Variants in PHEX observed in about 807,000 individuals in gnomAD.
PHEX encodes the protein phosphate regulating endopeptidase X-linked.
PHEX carries 16 observed loss-of-function variants against 68.0 expected under a neutral mutation model. The ratio of observed to expected loss-of-function variants is 0.24; its 90% CI spans 0.16 to 0.36. PHEX has a LOEUF of 0.36. Among genes scored for constraint, PHEX ranks in the 10% least tolerant of loss-of-function variants. The pLI is 1.00. For synonymous variants in PHEX, 208 were observed against 205.1 expected (o/e 1.01, Z -0.12); for missense variants, 480 against 575.5 (o/e 0.83, Z 1.70).
chrX:22,076,606 A>G, intron 4 of PHEX, 132 bp downstream of exon 4: 2 of 512,520 alleles, frequency 3.9e-6, no homozygotes, highest in Non-Finnish European at 6.8e-6. Context: ...GTGTTAAAGG[A>G]ATGATTGTGA....
intron 12 of PHEX, among the ~76,000 whole-genome samples, chrX:22,146,590 G>A (rs910320219): frequency 8.9e-6 from 1 of 111,762 alleles, no homozygotes; most frequent in African/African-American, 3.3e-5. Flanking sequence ...GCTGAGGCAG[G>A]CGGATCACTT....
intron 11 of PHEX, among the ~76,000 whole-genome samples, chrX:22,115,075 C>T (rs1442410191): frequency 9.0e-6 from 1 of 111,360 alleles, no homozygotes; most frequent in African/African-American, 3.3e-5. Flanking sequence ...CACCTGTAAT[C>T]CTAGTACTTT....
At chrX:22,085,623 C>T (rs1314692846) in intron 5 of PHEX, among the ~76,000 whole-genome samples, 1 of 109,536 alleles carries the variant, frequency 9.1e-6, no homozygotes, top group East Asian at 2.8e-4. Flanking sequence ...TTCCAAGTTT[C>T]CTCTTATTAT....
chrX:22,066,120 G>A (rs771892116), intron 3 of PHEX, among the ~76,000 whole-genome samples: 10 of 112,000 alleles, frequency 8.9e-5, no homozygotes, highest in South Asian at 3.7e-4. Flanking sequence ...TTTGTAGGCC[G>A]TGTAAAGATT....
chrX:22,157,567 G>C (rs1932989947), intron 12 of PHEX, among the ~76,000 whole-genome samples: 1 of 112,519 alleles, frequency 8.9e-6, no homozygotes, highest in African/African-American at 3.2e-5. Context: ...GCATCACAAA[G>C]ACACCAGGGA....
At chrX:22,093,847 C>A in intron 6 of PHEX, 136 bp from the exon 7 acceptor site, 1 of 483,357 alleles carries the variant, frequency 2.1e-6, no homozygotes, top group Non-Finnish European at 3.9e-6. Flanking sequence ...TTGCATAATG[C>A]CTGCACCATA....
In PHEX at chrX:22,114,571, A is replaced by G. The variant is rs1292615588; in HGVS notation, c.1287A>G (p.Glu429=). Reference sequence around the variant, plus strand: ...TGTTTGTAGATGTGTACTTCCAGGAAGATAAGAAGGAAATGGTAAGTGGTA... The same window carrying G: ...TGTTTGTAGATGTGTACTTCCAGGAGGATAAGAAGGAAATGGTAAGTGGTA... ...GKMFVDVYFQ[E]DKKEMMEELV... Residue 429 remains glutamate, a synonymous_variant, in exon 11 of 22, where the codon GAA becomes GAG. Coordinates refer to ENST00000379374, the MANE Select transcript of PHEX (RefSeq NM_000444.6). The G allele has an allele frequency of 8.3e-7, 1 of 1,206,667 alleles. No homozygotes were observed. Among genetic ancestry groups the G allele is most frequent in the Non-Finnish European group, 1.1e-6 (1 of 890,876 alleles).
intron 17 of PHEX, among the ~76,000 whole-genome samples, chrX:22,219,754 G>A (rs1212582586): frequency 2.7e-5 from 3 of 111,078 alleles, no homozygotes; most frequent in Non-Finnish European, 5.7e-5. Flanking sequence ...GAGTAGCTGG[G>A]ATTACGGGCA....
intron 12 of PHEX, among the ~76,000 whole-genome samples, chrX:22,150,773 G>A (rs1319217154): frequency 8.9e-6 from 1 of 112,108 alleles, no homozygotes; most frequent in Non-Finnish European, 1.9e-5. Context: ...GTTACTCAAT[G>A]GCTTTGTTGA....
intron 18 of PHEX, among the ~76,000 whole-genome samples, chrX:22,224,081 C>T (rs1278992546): frequency 9.0e-6 from 1 of 111,685 alleles, no homozygotes; most frequent in African/African-American, 3.3e-5. Flanking sequence ...CTCCCTGGTT[C>T]AAGTGATTCT....
chrX:22,187,924 A>G (rs1425185709), intron 14 of PHEX, among the ~76,000 whole-genome samples: 2 of 111,973 alleles, frequency 1.8e-5, no homozygotes, highest in East Asian at 5.6e-4. Flanking sequence ...GTACAAGCAC[A>G]TAATGCTCAT....
intron 3 of PHEX, among the ~76,000 whole-genome samples, chrX:22,051,060 A>G (rs1341030595): frequency 3.6e-5 from 4 of 111,477 alleles, no homozygotes; most frequent in Non-Finnish European, 7.5e-5. Flanking sequence ...GGCTTCCTAT[A>G]TGTGTTTCTA....
At chrX:22,089,237 G>A (rs1929754616) in intron 5 of PHEX, among the ~76,000 whole-genome samples, 1 of 111,627 alleles carries the variant, frequency 9.0e-6, no homozygotes, top group African/African-American at 3.3e-5. Flanking sequence ...GGCCAGGCTG[G>A]CCTTGAATTC....
chrX:22,070,178 A>T (rs1280675313), intron 3 of PHEX, among the ~76,000 whole-genome samples: 2 of 111,800 alleles, frequency 1.8e-5, no homozygotes, highest in African/African-American at 3.2e-5. Flanking sequence ...ATAAGTTTTA[A>T]AAAAAATCTA....
At chrX:22,165,554 A>G (rs945111116) in intron 12 of PHEX, among the ~76,000 whole-genome samples, 1 of 111,487 alleles carries the variant, frequency 9.0e-6, no homozygotes, top group Non-Finnish European at 1.9e-5. Context: ...ATAAACCCCC[A>G]GGAACTAGCT....
chrX:22,192,430 T>C (rs1934228028), intron 15 of PHEX, among the ~76,000 whole-genome samples: 1 of 111,655 alleles, frequency 9.0e-6, no homozygotes, highest in Non-Finnish European at 1.9e-5. Flanking sequence ...TCACATCGTG[T>C]CACTTCTTTG....
chrX:22,111,784 A>G (rs761739233), intron 10 of PHEX, among the ~76,000 whole-genome samples: 16 of 112,105 alleles, frequency 1.4e-4, no homozygotes, highest in Non-Finnish European at 2.4e-4. Context: ...GATGGGTTAT[A>G]TAAAGATATT....
chrX:22,058,030 C>T (rs1928195057), intron 3 of PHEX, among the ~76,000 whole-genome samples: 1 of 111,559 alleles, frequency 9.0e-6, no homozygotes, highest in Non-Finnish European at 1.9e-5. Flanking sequence ...AATCATCAGT[C>T]ATTTTCCATT....
intron 3 of PHEX, among the ~76,000 whole-genome samples, chrX:22,048,480 GCACA>G (rs772688428): frequency 3.8e-4 from 42 of 109,895 alleles, no homozygotes; most frequent in Non-Finnish European, 5.9e-4. Flanking sequence ...ACACACATGT[GCACA>G]CACACACACA....
Sources: gnomAD v4.1 joint callset for allele counts (sites outside exome capture counted in the v4.1 genomes callset) on GRCh38, gnomAD v4.1.1 for gene constraint, MANE v1.5 for transcripts, NCBI Gene and HGNC (gene_info 2026-07-23, HGNC 2026-07-21) for gene names.